EXT1: variants seen among roughly 807,000 people sequenced by gnomAD.
EXT1 encodes the protein exostosin glycosyltransferase 1.
Under a neutral mutation model 82.5 loss-of-function variants are expected in EXT1, and 20 were observed. That is an observed-to-expected ratio of 0.24 (90% CI 0.17 to 0.35). The LOEUF (loss-of-function observed/expected upper bound fraction) is 0.35. EXT1 is among the 10% of genes least tolerant of loss of function. EXT1 has a pLI of 1.00. For missense variants in EXT1, 757 were observed against 936.5 expected, an observed-to-expected ratio of 0.81 and a Z score of 2.50; for synonymous variants, 348 against 350.8, an observed-to-expected ratio of 0.99 and a Z score of 0.09.
intron 1 of EXT1, among the ~76,000 whole-genome samples, chr8:117,909,131 C>CAA (rs34555532): frequency 1.8e-3 from 259 of 147,782 alleles, no homozygotes; most frequent in Middle Eastern, 6.9e-3. Context: ...GACTCTGTCT[C>CAA]AAAAAAAAAA....
intron 1 of EXT1, among the ~76,000 whole-genome samples, chr8:117,857,521 G>A (rs1319298057): frequency 5.1e-5 from 7 of 137,366 alleles, no homozygotes; most frequent in South Asian, 2.5e-4. Flanking sequence ...TGGGCAACAC[G>A]GCAAGACTTC....
At chr8:117,895,728 C>T (rs767935139) in intron 1 of EXT1, among the ~76,000 whole-genome samples, 3 of 152,204 alleles carry the variant, frequency 2.0e-5, no homozygotes, top group Non-Finnish European at 4.4e-5. Context: ...TCTCCCATGT[C>T]TGGATGTTTT....
intron 1 of EXT1, among the ~76,000 whole-genome samples, chr8:118,005,707 T>C (rs1391865066): frequency 6.6e-6 from 1 of 152,210 alleles, no homozygotes; most frequent in East Asian, 1.9e-4. Context: ...TTATGATAAT[T>C]GGCCCTCTCT....
At chr8:117,920,573 A>C (rs1813836594) in intron 1 of EXT1, among the ~76,000 whole-genome samples, 1 of 152,222 alleles carries the variant, frequency 6.6e-6, no homozygotes, top group Non-Finnish European at 1.5e-5. Context: ...ATCATCATGC[A>C]AACTCTCCTG....
chr8:118,097,127 G>C (rs1053690141), intron 1 of EXT1, among the ~76,000 whole-genome samples: 1 of 151,900 alleles, frequency 6.6e-6, no homozygotes, highest in Non-Finnish European at 1.5e-5. Context: ...GCATCCAAAC[G>C]ACCTGGTGAG....
At chr8:117,843,485 G>A (rs1812304778) in intron 1 of EXT1, among the ~76,000 whole-genome samples, 1 of 152,162 alleles carries the variant, frequency 6.6e-6, no homozygotes, top group African/African-American at 2.4e-5. Flanking sequence ...GTAAGAGGAG[G>A]TGATGGGAAT....
intron 1 of EXT1, among the ~76,000 whole-genome samples, chr8:117,932,208 A>G (rs1440309237): frequency 6.6e-6 from 1 of 152,232 alleles, no homozygotes; most frequent in Non-Finnish European, 1.5e-5. Context: ...GTCTATTTAC[A>G]TAAGCATGAA....
chr8:118,015,170 T>G (rs1335730326), intron 1 of EXT1, among the ~76,000 whole-genome samples: 1 of 152,188 alleles, frequency 6.6e-6, no homozygotes, highest in Non-Finnish European at 1.5e-5. Context: ...CAGTAAACAG[T>G]CTTTAAACTG....
intron 1 of EXT1, among the ~76,000 whole-genome samples, chr8:117,903,841 C>T (rs1813495113): frequency 6.6e-6 from 1 of 152,160 alleles, no homozygotes; most frequent in Admixed American, 6.5e-5. Flanking sequence ...ATCAGGCCTT[C>T]AGCCAAAAAA....
intron 1 of EXT1, among the ~76,000 whole-genome samples, chr8:118,076,334 T>G (rs1817207909): frequency 6.6e-6 from 1 of 152,266 alleles, no homozygotes; most frequent in African/African-American, 2.4e-5. Flanking sequence ...GTAATCATTT[T>G]GTACTTTCAT....
chr8:117,843,338 G>C (rs1447160294), intron 1 of EXT1, among the ~76,000 whole-genome samples: 1 of 152,182 alleles, frequency 6.6e-6, no homozygotes, highest in Non-Finnish European at 1.5e-5. Flanking sequence ...AGGAGTGCTA[G>C]GATTGGACAT....
chr8:118,097,200 T>C (rs1256595742), intron 1 of EXT1, among the ~76,000 whole-genome samples: 1 of 152,152 alleles, frequency 6.6e-6, no homozygotes, highest in Admixed American at 6.5e-5. Context: ...AATCCCAGCA[T>C]TCTGGGAGGC....
intron 1 of EXT1, among the ~76,000 whole-genome samples, chr8:118,037,832 TTTTG>T (rs1816450954): frequency 1.4e-5 from 2 of 147,774 alleles, no homozygotes; most frequent in Admixed American, 6.6e-5. Context: ...CAAGAGTGTT[TTTTG>T]TTTTTTTTTT....
intron 1 of EXT1, among the ~76,000 whole-genome samples, chr8:117,962,572 T>C (rs1814722468): frequency 6.6e-6 from 1 of 152,006 alleles, no homozygotes; most frequent in Non-Finnish European, 1.5e-5. Flanking sequence ...GCCAACATGG[T>C]GAAACGCCCA....
chr8:118,045,208 C>A (rs1166540665), intron 1 of EXT1, among the ~76,000 whole-genome samples: 1 of 152,118 alleles, frequency 6.6e-6, no homozygotes. Flanking sequence ...TACTCTAACT[C>A]CCACTTAGAA....
chr8:117,822,694 A>G (rs1811945226), intron 4 of EXT1, 97 bp from the exon 5 acceptor site: 37 of 1,365,264 alleles, frequency 2.7e-5, no homozygotes, highest in Non-Finnish European at 3.7e-5. Flanking sequence ...TGGCAGTCAG[A>G]GTAGTGACTC....
intron 1 of EXT1, among the ~76,000 whole-genome samples, chr8:117,964,653 GTTTT>G (rs899685688): frequency 1.3e-5 from 2 of 149,330 alleles, no homozygotes; most frequent in African/African-American, 5.0e-5. Flanking sequence ...TTGTTTGTTT[GTTTT>G]TTGTTTTTTG....
chr8:117,839,647 C>T (rs1199358059), intron 1 of EXT1, among the ~76,000 whole-genome samples: 1 of 152,190 alleles, frequency 6.6e-6, no homozygotes, highest in African/African-American at 2.4e-5. Context: ...CTATGAATTA[C>T]TAACATGTTC....
chr8:118,101,083 T>C (rs1365526645), intron 1 of EXT1, among the ~76,000 whole-genome samples: 1 of 152,212 alleles, frequency 6.6e-6, no homozygotes, highest in African/African-American at 2.4e-5. Context: ...AGCAGGAAGA[T>C]GAGTTTAATA....
Sources: allele counts gnomAD v4.1 joint callset (sites outside exome capture counted in the v4.1 genomes callset), GRCh38; gene constraint gnomAD v4.1.1; transcripts MANE v1.5; gene names NCBI Gene and HGNC (gene_info 2026-07-23, HGNC 2026-07-21).